The following SHLD1 variants were observed in gnomAD, a reference collection of about 807,000 sequenced individuals.
SHLD1 encodes the protein shieldin complex subunit 1, also known as RINN1-REV7-interacting novel NHEJ regulator 3.
In SHLD1, 3 loss-of-function variants were observed where a neutral mutation model predicts 5.5. The observed-to-expected ratio is 0.54, with a 90% CI of 0.25 to 1.40. SHLD1 has a LOEUF of 1.40. SHLD1 is among the 40% of genes most tolerant of loss of function. The pLI, the probability that SHLD1 is intolerant of heterozygous loss-of-function variation, is 0.15. For missense variants in SHLD1, 210 were observed against 244.4 expected (o/e 0.86, Z 0.94); for synonymous variants, 92 against 94.3 (o/e 0.98, Z 0.14).
intron 1 of SHLD1, among the ~76,000 whole-genome samples, chr20:5,758,413 AT>A (rs1200201188): frequency 2.5e-5 from 3 of 121,724 alleles, no homozygotes; most frequent in African/African-American, 8.4e-5. Flanking sequence ...GCCAAGTATT[AT>A]TTTTTTTTAT....
chr20:5,815,242 T>C (rs927726806), intron 2 of SHLD1, among the ~76,000 whole-genome samples: 1 of 152,190 alleles, frequency 6.6e-6, no homozygotes, highest in Non-Finnish European at 1.5e-5. Flanking sequence ...CCGGGACTCA[T>C]CTCCAGAAGC....
At chr20:5,814,058 T>G (rs1221506517) in intron 2 of SHLD1, among the ~76,000 whole-genome samples, 3 of 148,762 alleles carry the variant, frequency 2.0e-5, no homozygotes, top group Non-Finnish European at 4.5e-5. Flanking sequence ...GTTCAAGCGA[T>G]TCTCCTACCT....
At chr20:5,808,189 A>G (rs1052224875) in intron 2 of SHLD1, among the ~76,000 whole-genome samples, 1 of 151,996 alleles carries the variant, frequency 6.6e-6, no homozygotes, top group African/African-American at 2.4e-5. Flanking sequence ...CTGAGGCAGG[A>G]GAATCCCTTG....
chr20:5,759,335 C>T (rs149331034), intron 1 of SHLD1, among the ~76,000 whole-genome samples: 2,347 of 152,078 alleles, frequency 0.015, 59 homozygotes, highest in African/African-American at 0.053. Flanking sequence ...TCTCAGCTCA[C>T]TGCAACCTCT....
At chr20:5,764,386 G>A (rs1227344481) in intron 1 of SHLD1, among the ~76,000 whole-genome samples, 1 of 150,856 alleles carries the variant, frequency 6.6e-6, no homozygotes, top group African/African-American at 2.4e-5. Flanking sequence ...CTAACAGAGT[G>A]TTCAAAAATG....
chr20:5,849,851 C>G (rs1037440491), intron 2 of SHLD1, among the ~76,000 whole-genome samples: 2 of 147,520 alleles, frequency 1.4e-5, no homozygotes, highest in African/African-American at 2.5e-5. Flanking sequence ...CCCAGCTACT[C>G]GGGAGGCTGA....
At chr20:5,853,560 ATC>A (rs1349031868) in intron 2 of SHLD1, among the ~76,000 whole-genome samples, 2 of 152,290 alleles carry the variant, frequency 1.3e-5, no homozygotes, top group Non-Finnish European at 2.9e-5. Context: ...GGCCACGGTT[ATC>A]TGTTTTTTCC....
At chr20:5,752,991 G>T (rs935216168) in intron 1 of SHLD1, among the ~76,000 whole-genome samples, 5 of 152,064 alleles carry the variant, frequency 3.3e-5, no homozygotes, top group Non-Finnish European at 5.9e-5. Flanking sequence ...AGATGGGGGG[G>T]TTTCACCATG....
intron 2 of SHLD1, among the ~76,000 whole-genome samples, chr20:5,781,892 A>G (rs1019461385): frequency 3.3e-5 from 5 of 152,196 alleles, no homozygotes; most frequent in African/African-American, 1.2e-4. Context: ...TTAATAACCA[A>G]TACAGCAGTA....
chr20:5,843,872 G>A (rs1437140607), intron 2 of SHLD1, among the ~76,000 whole-genome samples: 2 of 152,122 alleles, frequency 1.3e-5, no homozygotes, highest in African/African-American at 4.8e-5. Flanking sequence ...CTCACTTCTA[G>A]CCCTTAATAA....
intron 1 of SHLD1, among the ~76,000 whole-genome samples, chr20:5,758,449 C>T (rs1207580040): frequency 2.7e-5 from 4 of 150,814 alleles, no homozygotes; most frequent in South Asian, 2.1e-4. Context: ...GATGGAGTCT[C>T]GCTCTGTTGT....
chr20:5,839,418 C>T (rs1013812836), intron 2 of SHLD1, among the ~76,000 whole-genome samples: 4 of 151,754 alleles, frequency 2.6e-5, no homozygotes, highest in Non-Finnish European at 5.9e-5. Flanking sequence ...TGTTTTTATT[C>T]TTATATCTGG....
At chr20:5,787,631 C>A (rs991649728) in intron 2 of SHLD1, among the ~76,000 whole-genome samples, 1 of 152,196 alleles carries the variant, frequency 6.6e-6, no homozygotes, top group African/African-American at 2.4e-5. Flanking sequence ...TACGCCTAGA[C>A]CCTGGTGTGA....
chr20:5,805,324 A>ATTTTTTTTTTTTTTTTTTTTT (rs1312385492), intron 2 of SHLD1, among the ~76,000 whole-genome samples: 1 of 151,756 alleles, frequency 6.6e-6, no homozygotes, highest in African/African-American at 2.4e-5. Context: ...TGCCTGGCTA[A>ATTTTTTTTTTTTTTTTTTTTT]TTTTGTATTT....
chr20:5,807,102 C>T (rs2087388698), intron 2 of SHLD1, among the ~76,000 whole-genome samples: 1 of 152,214 alleles, frequency 6.6e-6, no homozygotes, highest in Non-Finnish European at 1.5e-5. Context: ...TGGTACGCCT[C>T]TCTTGTGCTG....
At chr20:5,825,032 A>C (rs1269357904) in intron 2 of SHLD1, among the ~76,000 whole-genome samples, 1 of 152,246 alleles carries the variant, frequency 6.6e-6, no homozygotes, top group Non-Finnish European at 1.5e-5. Context: ...TGGAACCTGA[A>C]AGAATAAATA....
At chr20:5,852,070 C>A (rs1289463320) in intron 2 of SHLD1, among the ~76,000 whole-genome samples, 1 of 152,100 alleles carries the variant, frequency 6.6e-6, no homozygotes, top group Non-Finnish European at 1.5e-5. Flanking sequence ...TCACCTTCCA[C>A]CATTAATAAA....
intron 1 of SHLD1, among the ~76,000 whole-genome samples, chr20:5,762,823 A>G (rs1207157514): frequency 3.3e-5 from 5 of 151,998 alleles, no homozygotes; most frequent in Non-Finnish European, 7.4e-5. Flanking sequence ...AATACAAAAA[A>G]TTAGCCAGGT....
chr20:5,818,088 A>AT (rs958006024), intron 2 of SHLD1, among the ~76,000 whole-genome samples: 3 of 145,118 alleles, frequency 2.1e-5, no homozygotes, highest in Admixed American at 6.9e-5. Context: ...TCTTTTTTTT[A>AT]TTTTTTTATT....
Sources: allele counts gnomAD v4.1 joint callset (sites outside exome capture counted in the v4.1 genomes callset), GRCh38; gene constraint gnomAD v4.1.1; transcripts MANE v1.5; gene names NCBI Gene and HGNC (gene_info 2026-07-23, HGNC 2026-07-21).